PLVAP: variants seen among roughly 807,000 people sequenced by gnomAD.
The protein encoded by PLVAP is plasmalemma vesicle associated protein.
PLVAP carries 34 observed loss-of-function variants against 43.1 expected under a neutral mutation model. The ratio of observed to expected loss-of-function variants is 0.79; its 90% CI spans 0.60 to 1.05. The LOEUF (loss-of-function observed/expected upper bound fraction) is 1.05, where lower values mean the gene tolerates loss of function less well. PLVAP is among the 50% of genes least tolerant of loss of function. PLVAP has a pLI of 0.00. For synonymous variants in PLVAP, 241 were observed against 237.3 expected, an observed-to-expected ratio of 1.02 and a Z score of -0.14; for missense variants, 574 against 593.4, an observed-to-expected ratio of 0.97 and a Z score of 0.34.
At chr19:17,374,657 A>T (rs1189658431) in intron 1 of PLVAP, among the ~76,000 whole-genome samples, 1 of 150,554 alleles carries the variant, frequency 6.6e-6, no homozygotes, top group East Asian at 1.9e-4. Context: ...TCAGGGTCTC[A>T]CTCAGTCGCC....
At chr19:17,365,229 C>T (rs2074543517) in intron 3 of PLVAP, 57 bp downstream of exon 3, 5 of 1,502,144 alleles carry the variant, frequency 3.3e-6, no homozygotes, top group East Asian at 4.5e-5. Context: ...CGCCACCACC[C>T]TCTTGGCATC....
rs1041323937 is a variant in PLVAP, at chr19:17,373,306, G to A, written c.369+3614C>T. On this transcript the variant is annotated intron_variant, in intron 1 of 5. Coordinates refer to ENST00000252590, the MANE Select transcript of PLVAP (RefSeq NM_031310.3). Reference sequence around the variant, plus strand: ...ATCTGGGGAGACGGTGCTTTGCCCCGGGGTTTTGGCGGATAGAGACAGGGC... The same window carrying A: ...ATCTGGGGAGACGGTGCTTTGCCCCAGGGTTTTGGCGGATAGAGACAGGGC... 1.1e-4 allele frequency among the ~76,000 whole-genome samples: 17 copies of A among 151,992 alleles called. No individual in the cohort carries two copies. In the East Asian group the frequency reaches 1.2e-3, roughly 10 times the overall value.
At position 17,366,268 on chromosome 19, in the gene PLVAP, C is replaced by T. The variant is rs939908685; in HGVS notation, c.370-73G>A. On this transcript the variant is annotated intron_variant, in intron 1 of 5. Transcript: ENST00000252590. ...CCCCCAGGACTGCCTGGACCCAGAT[C>T]GAGCACCCTGGTGGCCAGAGTGAGC... 1.4e-5 allele frequency: 20 copies of T among 1,465,470 alleles called. No individual in the cohort carries two copies. In the Admixed American group the frequency reaches 2.6e-4, roughly 19 times the overall value. The allele number at this position is 1,465,470 out of a possible 1,614,324, so 90.8% of individuals were successfully genotyped here.
At chr19:17,371,499 A>T (rs1056454472) in intron 1 of PLVAP, among the ~76,000 whole-genome samples, 2 of 151,130 alleles carry the variant, frequency 1.3e-5, no homozygotes, top group East Asian at 3.9e-4. Flanking sequence ...ATTTAATTTT[A>T]TTTTTTTTGA....
In PLVAP at chr19:17,365,950, A is replaced by G. The variant is rs778658837; in HGVS notation, c.515T>C (p.Ile172Thr). 163 of 1,613,782 alleles carry G rather than the reference A, an allele frequency of 1.0e-4. No homozygotes were observed. Among genetic ancestry groups the G allele is most frequent in the Admixed American group, 2.2e-4 (13 of 59,936 alleles). Residue 172 changes from isoleucine (I) to threonine (T), a missense_variant, in exon 3 of 6, where the codon ATA (isoleucine) becomes ACA (threonine). By Grantham distance (89) the Ile-to-Thr change is moderately conservative (BLOSUM62 -1). Transcript: ENST00000252590. The part of the protein sequence containing the change: ...NQKVKTLEVE[I>T]AKEKTICTKD... ...AGTGCAAATGGTCTTCTCCTTGGCTATCTCCACCTCCAGCGTCTTCACCTT... is the reference window on the plus strand; with the variant it reads ...AGTGCAAATGGTCTTCTCCTTGGCTGTCTCCACCTCCAGCGTCTTCACCTT...
At chr19:17,372,634 T>A (rs2074577265) in intron 1 of PLVAP, among the ~76,000 whole-genome samples, 1 of 149,514 alleles carries the variant, frequency 6.7e-6, no homozygotes, top group Admixed American at 6.6e-5. Context: ...TTTTTCGTAT[T>A]TTTAGTAGAG....
intron 1 of PLVAP, 151 bp downstream of exon 1, chr19:17,376,769 G>A: frequency 1.2e-6 from 1 of 852,882 alleles, no homozygotes; most frequent in East Asian, 2.7e-5. Context: ...CTGCACTCCA[G>A]CCTGGGAGAC....
In PLVAP at chr19:17,372,081, T is replaced by TAA. The variant is rs368346030; in HGVS notation, c.369+4837_369+4838dup. On this transcript the variant is annotated intron_variant, in intron 1 of 5. Transcript: ENST00000252590. ...CGGCAATGTAGTGACACCATGTCTC[T>TAA]AAAAAAAAAAAAAAAAAAAAAGGAT... Among the ~76,000 whole-genome samples, 66 of 96,940 alleles carry TAA rather than the reference T, an allele frequency of 6.8e-4. 1 individual carries two copies. The highest frequency in any genetic ancestry group is 5.0e-3 in the East Asian group (16 of 3,204). The allele number at this position is 96,940 out of a possible 152,430, so 63.6% of individuals were successfully genotyped here. A position where few individuals can be genotyped will look rare whatever the true frequency, so the allele number is the denominator to read the frequency against.
intron 5 of PLVAP, among the ~76,000 whole-genome samples, chr19:17,354,596 C>CAA (rs33950167): frequency 1.2e-5 from 1 of 85,564 alleles, no homozygotes; most frequent in East Asian, 3.0e-4. Context: ...GACTCTGTCT[C>CAA]AAAAAAAAAA....
intron 5 of PLVAP, 148 bp downstream of exon 5, chr19:17,360,380 A>C (rs1599573038): frequency 1.3e-6 from 1 of 782,652 alleles, no homozygotes; most frequent in East Asian, 2.7e-5. Context: ...TGTGTCCCTC[A>C]CGCCCAACCA....
intron 1 of PLVAP, among the ~76,000 whole-genome samples, chr19:17,368,093 C>T (rs145441330): frequency 0.092 from 9,131 of 99,766 alleles, 392 homozygotes; most frequent in African/African-American, 0.14. Flanking sequence ...TTTTTTGAGA[C>T]GGAGTTTCGC....
At chr19:17,376,844 T>C in intron 1 of PLVAP, 76 bp downstream of exon 1, 1 of 1,380,930 alleles carries the variant, frequency 7.2e-7, no homozygotes, top group South Asian at 1.3e-5. Flanking sequence ...CTCTCTTGGA[T>C]GAGGAAACTC....
At chr19:17,373,496 C>T (rs2074582848) in intron 1 of PLVAP, among the ~76,000 whole-genome samples, 1 of 152,024 alleles carries the variant, frequency 6.6e-6, no homozygotes, top group African/African-American at 2.4e-5. Context: ...TATGGGAGGT[C>T]TGTCTTTGCC....
intron 1 of PLVAP, among the ~76,000 whole-genome samples, chr19:17,374,818 G>GTATTTATT (rs567397342): frequency 6.9e-6 from 1 of 144,734 alleles, no homozygotes; most frequent in Admixed American, 7.1e-5. Context: ...ATGTATGTAT[G>GTATTTATT]TATGTATGTA....
rs1036053963 is a variant in PLVAP, at chr19:17,351,566, C to A, written c.*796G>T. The A allele has an allele frequency of 1.3e-5, 2 of 152,290 alleles. No individual in the cohort carries two copies. Among genetic ancestry groups the A allele is most frequent in the Non-Finnish European group, 2.9e-5 (2 of 68,090 alleles). 9.4% of individuals were successfully genotyped at this position (152,290 alleles called of 1,614,324 possible). On this transcript the variant is annotated 3_prime_UTR_variant, in exon 6 of 6. Coordinates refer to ENST00000252590, the MANE Select transcript of PLVAP (RefSeq NM_031310.3). ...CCTCCCGACAACAGGTGACCCTCACCCCCGGCTCAGGGCCCCGAGGGGGTC... is the reference window on the plus strand; with the variant it reads ...CCTCCCGACAACAGGTGACCCTCACACCCGGCTCAGGGCCCCGAGGGGGTC...
At chr19:17,352,432 G>C (rs138615384) in intron 5 of PLVAP, 64 bp from the exon 6 acceptor site, 2 of 1,559,300 alleles carry the variant, frequency 1.3e-6, no homozygotes, top group Non-Finnish European at 1.8e-6. Flanking sequence ...AAACCTCGCC[G>C]GGCCCTGGAG....
chr19:17,376,002 G>A (rs890491789), intron 1 of PLVAP, among the ~76,000 whole-genome samples: 1 of 151,722 alleles, frequency 6.6e-6, no homozygotes, highest in African/African-American at 2.4e-5. Context: ...TCAACATAGC[G>A]AGACCCCACG....
intron 1 of PLVAP, among the ~76,000 whole-genome samples, chr19:17,376,268 T>C (rs890552768): frequency 6.6e-6 from 1 of 152,054 alleles, no homozygotes; most frequent in African/African-American, 2.4e-5. Flanking sequence ...GGTGAGAGGA[T>C]TGCTTGAGCC....
chr19:17,369,210 GT>G (rs1397711390), intron 1 of PLVAP, among the ~76,000 whole-genome samples: 1 of 150,298 alleles, frequency 6.7e-6, no homozygotes, highest in African/African-American at 2.4e-5. Flanking sequence ...TTGAGACAGG[GT>G]TTTTTGCTCT....
Sources: allele counts gnomAD v4.1 joint callset (sites outside exome capture counted in the v4.1 genomes callset), GRCh38; gene constraint gnomAD v4.1.1; transcripts MANE v1.5; gene names NCBI Gene and HGNC (gene_info 2026-07-23, HGNC 2026-07-21).